The following AFF3 variants were observed in gnomAD, a reference collection of about 807,000 sequenced individuals.
The protein encoded by AFF3 is AF4/FMR2 family member 3.
In AFF3, 32 loss-of-function variants were observed where a neutral mutation model predicts 129.7. The observed-to-expected ratio is 0.25, with a 90% CI of 0.19 to 0.33. The LOEUF is 0.33. Among genes scored for constraint, AFF3 ranks in the 10% least tolerant of loss-of-function variants. AFF3 has a pLI of 1.00. For synonymous variants in AFF3, 644 were observed against 635.4 expected, an observed-to-expected ratio of 1.01 and a Z score of -0.20; for missense variants, 1,373 against 1,592.0, an observed-to-expected ratio of 0.86 and a Z score of 2.34.
At chr2:99,661,553 C>T (rs1055527409) in intron 12 of AFF3, among the ~76,000 whole-genome samples, 4 of 152,078 alleles carry the variant, frequency 2.6e-5, no homozygotes, top group Admixed American at 2.6e-4. Flanking sequence ...ATCCCATGGC[C>T]CAGGCTGGTT....
chr2:100,093,590 A>T (rs1403447554), intron 4 of AFF3, among the ~76,000 whole-genome samples: 6 of 152,116 alleles, frequency 3.9e-5, no homozygotes, highest in Non-Finnish European at 8.8e-5. Flanking sequence ...AAAAAATTAA[A>T]GGAAGTCACT....
At chr2:99,576,200 T>C (rs1163175528) in intron 18 of AFF3, among the ~76,000 whole-genome samples, 1 of 151,920 alleles carries the variant, frequency 6.6e-6, no homozygotes, top group African/African-American at 2.4e-5. Context: ...ACCTGGCTAA[T>C]TGTTGTATTT....
At chr2:99,907,437 T>C (rs972469492) in intron 7 of AFF3, among the ~76,000 whole-genome samples, 1 of 152,148 alleles carries the variant, frequency 6.6e-6, no homozygotes, top group Non-Finnish European at 1.5e-5. Flanking sequence ...AAAAGCCTAT[T>C]CTTCTCTTCA....
chr2:99,810,232 G>A (rs1474759650), intron 8 of AFF3, among the ~76,000 whole-genome samples: 1 of 152,202 alleles, frequency 6.6e-6, no homozygotes, highest in South Asian at 2.1e-4. Context: ...CTGTGGTTAT[G>A]GAAAGGGCAG....
Position 100,107,543 on chromosome 2 carries a change from T to C in AFF3, c.-144-1960A>G, listed in dbSNP as rs1355427927. On this transcript the variant is annotated intron_variant, in intron 2 of 24. Transcript: ENST00000672756. Reference sequence around the variant, plus strand: ...GCTGCCTTAGCTTTTGCTCATCCTATAGTGCTTGTGACCTGAGGGTCTTTT... The same window carrying C: ...GCTGCCTTAGCTTTTGCTCATCCTACAGTGCTTGTGACCTGAGGGTCTTTT... 3.1e-6 allele frequency: 3 copies of C among 980,550 alleles called. No individual in the cohort carries two copies. The East Asian group carries it at 3.4e-4, about 112-fold the overall frequency. 60.7% of individuals were successfully genotyped at this position (980,550 alleles called of 1,614,324 possible).
chr2:99,972,165 T>C (rs552850937), intron 7 of AFF3, among the ~76,000 whole-genome samples: 1 of 152,282 alleles, frequency 6.6e-6, no homozygotes, highest in East Asian at 1.9e-4. Flanking sequence ...TTCCAAATCC[T>C]GGAGCTGGGG....
At chr2:99,867,830 C>A (rs1276659128) in intron 7 of AFF3, among the ~76,000 whole-genome samples, 1 of 152,168 alleles carries the variant, frequency 6.6e-6, no homozygotes, top group Non-Finnish European at 1.5e-5. Flanking sequence ...TCTGGCTACA[C>A]AGTGACGCAT....
chr2:99,679,465 C>T (rs1674327640), intron 11 of AFF3, among the ~76,000 whole-genome samples: 1 of 152,148 alleles, frequency 6.6e-6, no homozygotes. Context: ...TCATCTCCTA[C>T]CCTAGAAGAA....
intron 13 of AFF3, among the ~76,000 whole-genome samples, chr2:99,631,208 A>C (rs1248955911): frequency 6.6e-6 from 1 of 152,206 alleles, no homozygotes; most frequent in African/African-American, 2.4e-5. Flanking sequence ...CCCCAGGTCA[A>C]TGAAATGGTT....
chr2:99,896,152 T>C (rs1393516579), intron 7 of AFF3, among the ~76,000 whole-genome samples: 2 of 148,888 alleles, frequency 1.3e-5, no homozygotes, highest in African/African-American at 2.5e-5. Flanking sequence ...AATATAAAAC[T>C]CAAGAAAACT....
chr2:99,769,899 A>G (rs929895221), intron 8 of AFF3, among the ~76,000 whole-genome samples: 1 of 152,168 alleles, frequency 6.6e-6, no homozygotes, highest in Admixed American at 6.5e-5. Context: ...GTGGGGTGAC[A>G]TAAGCACCCC....
At chr2:99,641,640 T>G (rs1684200893) in intron 13 of AFF3, among the ~76,000 whole-genome samples, 1 of 152,144 alleles carries the variant, frequency 6.6e-6, no homozygotes, top group South Asian at 2.1e-4. Context: ...ATCATACCAC[T>G]GTACTCCAGC....
chr2:100,105,403 C>T, intron 3 of AFF3, 101 bp downstream of exon 3: 1 of 1,303,994 alleles, frequency 7.7e-7, no homozygotes, highest in Non-Finnish European at 1.0e-6. Flanking sequence ...CCTCTTCCAC[C>T]CGGACCTGCT....
chr2:99,803,189 C>A (rs1464577571), intron 8 of AFF3, among the ~76,000 whole-genome samples: 1 of 152,060 alleles, frequency 6.6e-6, no homozygotes, highest in Non-Finnish European at 1.5e-5. Flanking sequence ...CATGCTTATT[C>A]TGTTTCTATT....
chr2:99,875,165 C>T (rs1047780278), intron 7 of AFF3, among the ~76,000 whole-genome samples: 3 of 152,158 alleles, frequency 2.0e-5, no homozygotes, highest in Non-Finnish European at 2.9e-5. Flanking sequence ...TGGCCTTGTC[C>T]TGTACCATCT....
chr2:99,869,323 T>C (rs958512880), intron 7 of AFF3, among the ~76,000 whole-genome samples: 4 of 152,008 alleles, frequency 2.6e-5, no homozygotes, highest in African/African-American at 7.3e-5. Context: ...AATATTACAG[T>C]ACTTCTTAAA....
chr2:99,610,292 A>G (rs1326289710), intron 13 of AFF3, among the ~76,000 whole-genome samples: 2 of 152,086 alleles, frequency 1.3e-5, no homozygotes, highest in African/African-American at 4.8e-5. Flanking sequence ...TCTGCCCTCT[A>G]CCATTCCTAA....
chr2:99,593,551 T>G lies in AFF3; in HGVS notation c.2110A>C (p.Asn704His), dbSNP rs758917187. ...GCGGCCTCCTTCAGCCTCTGATCAT[T>G]CCCGGAGGAGGCAGAGGCAGCCACG... ...QTVAASASSGNDQRLKEAAAN... is the reference protein window; with the variant it reads ...QTVAASASSGHDQRLKEAAAN... Residue 704 changes from asparagine to histidine, a missense_variant, in exon 15 of 25, where the codon AAT becomes CAT. Transcript: ENST00000672756. The G allele has an allele frequency of 1.2e-6, 2 of 1,613,134 alleles. No homozygotes were observed. Among genetic ancestry groups the G allele is most frequent in the Non-Finnish European group, 1.7e-6 (2 of 1,179,900 alleles).
At chr2:99,683,627 C>T (rs890518268) in intron 11 of AFF3, among the ~76,000 whole-genome samples, 4 of 151,618 alleles carry the variant, frequency 2.6e-5, no homozygotes, top group South Asian at 2.1e-4. Context: ...TTTGTAGGGA[C>T]GAGAGGTTTT....
Sources: gnomAD v4.1 joint callset for allele counts (sites outside exome capture counted in the v4.1 genomes callset) on GRCh38, gnomAD v4.1.1 for gene constraint, MANE v1.5 for transcripts, NCBI Gene and HGNC (gene_info 2026-07-23, HGNC 2026-07-21) for gene names.